ADD3: variants seen among roughly 807,000 people sequenced by gnomAD.
ADD3 encodes the protein gamma-adducin.
Under a neutral mutation model 80.2 loss-of-function variants are expected in ADD3, and 25 were observed. The observed-to-expected ratio is 0.31, with a 90% CI of 0.23 to 0.44. The LOEUF is 0.44. Among genes scored for constraint, ADD3 ranks in the 20% least tolerant of loss-of-function variants. ADD3 has a pLI of 1.00. For synonymous variants in ADD3, 284 were observed against 289.6 expected (o/e 0.98, Z 0.20); for missense variants, 829 against 847.5 (o/e 0.98, Z 0.27).
At position 110,133,322 on chromosome 10, in the gene ADD3, G is replaced by T. The variant is rs373955551; in HGVS notation, c.1829-4G>T. The stretch of plus-strand genomic sequence containing the variant: ...AACCCCCAAAAAACCCTCCCCTTTC[G>T]TAGAAAACCATGAGCTGTTTTCCAA... On this transcript the variant is annotated splice_polypyrimidine_tract_variant and splice_region_variant and intron_variant, in intron 14 of 14. Transcript: ENST00000356080. The T allele has an allele frequency of 3.2e-6, 5 of 1,566,290 alleles. No individual in the cohort carries two copies. The Middle Eastern group carries it at 6.8e-4, about 213-fold the overall frequency.
At chr10:110,079,459 AGAGTGTGT>A (rs1397598485) in intron 1 of ADD3, among the ~76,000 whole-genome samples, 2,182 of 112,054 alleles carry the variant, frequency 0.019, 14 homozygotes, top group Middle Eastern at 0.03. Flanking sequence ...AGAGAGAGAG[AGAGTGTGT>A]GTGTGTGTGT....
chr10:110,039,339 T>TA lies in ADD3; in HGVS notation c.-30+31052dup, dbSNP rs370308579. The stretch of plus-strand genomic sequence containing the variant: ...GGAGAAGAGCTTGAATTGGTGAAGT[T>TA]AAAAAAAAAAAAGTGTTCAGGGCTG... On this transcript the variant is annotated intron_variant, in intron 1 of 14. Transcript: ENST00000356080. 4.7e-3 allele frequency among the ~76,000 whole-genome samples: 681 copies of TA among 144,660 alleles called. 4 individuals are homozygous for TA. The highest frequency in any genetic ancestry group is 0.012 in the African/African-American group (484 of 39,612). The allele number at this position is 144,660 out of a possible 152,430, so 94.9% of individuals were successfully genotyped here. A position where few individuals can be genotyped will look rare whatever the true frequency, so the allele number is the denominator to read the frequency against.
At chr10:110,130,252 T>A (rs1852783168) in intron 12 of ADD3, 111 bp from the exon 13 acceptor site, 1 of 1,097,398 alleles carries the variant, frequency 9.1e-7, no homozygotes. Flanking sequence ...TGTTGTGAAA[T>A]AAGGCTTCAC....
chr10:110,000,473 G>A (rs140714652), intron 1 of ADD3, among the ~76,000 whole-genome samples: 14 of 152,302 alleles, frequency 9.2e-5, no homozygotes, highest in African/African-American at 3.1e-4. Flanking sequence ...CCATTCATTC[G>A]ACGAGTACTT....
chr10:110,082,761 A>G (rs1846221579), intron 1 of ADD3, among the ~76,000 whole-genome samples: 2 of 152,208 alleles, frequency 1.3e-5, no homozygotes, highest in South Asian at 4.1e-4. Context: ...TTATGTATGT[A>G]TTTACTTATT....
intron 1 of ADD3, among the ~76,000 whole-genome samples, chr10:110,011,652 A>G (rs915059079): frequency 6.6e-6 from 1 of 152,208 alleles, no homozygotes; most frequent in African/African-American, 2.4e-5. Context: ...AAAAAACTTT[A>G]AATATCTAAT....
intron 1 of ADD3, among the ~76,000 whole-genome samples, chr10:110,062,320 G>C (rs1168861115): frequency 6.6e-6 from 1 of 150,994 alleles, no homozygotes; most frequent in Non-Finnish European, 1.5e-5. Context: ...CTTGAACCTG[G>C]AAGGCAGAGG....
chr10:110,057,056 T>C (rs1335488731), intron 1 of ADD3, among the ~76,000 whole-genome samples: 1 of 152,164 alleles, frequency 6.6e-6, no homozygotes, highest in East Asian at 1.9e-4. Flanking sequence ...AATTATTTTC[T>C]CAAGAATTCC....
At chr10:110,054,924 G>A (rs959036013) in intron 1 of ADD3, among the ~76,000 whole-genome samples, 1 of 151,378 alleles carries the variant, frequency 6.6e-6, no homozygotes, top group Non-Finnish European at 1.5e-5. Context: ...TCCATGCCTG[G>A]CAAACTTTTT....
chr10:110,021,941 T>A (rs781502545), intron 1 of ADD3, among the ~76,000 whole-genome samples: 1 of 152,224 alleles, frequency 6.6e-6, no homozygotes, highest in Non-Finnish European at 1.5e-5. Flanking sequence ...TATGGAAGAA[T>A]AACTAAAATA....
In ADD3 at chr10:110,116,494, C is replaced by G. The variant is rs1389134089; in HGVS notation, c.486+84C>G. ...CTCTTCTTACCTTTACCTGGAAGTC[C>G]AGTTTTCAGACTTATTCTCTAAACC... On this transcript the variant is annotated intron_variant, in intron 4 of 14. Transcript: ENST00000356080. 5 of 1,390,538 alleles carry G rather than the reference C, an allele frequency of 3.6e-6. No homozygotes were observed. The South Asian group carries it at 6.5e-5, about 18-fold the overall frequency. The allele number at this position is 1,390,538 out of a possible 1,614,324, so 86.1% of individuals were successfully genotyped here.
chr10:110,031,733 G>C (rs1032598003), intron 1 of ADD3, among the ~76,000 whole-genome samples: 2 of 151,682 alleles, frequency 1.3e-5, no homozygotes, highest in South Asian at 2.1e-4. Flanking sequence ...TGTTAATGAA[G>C]AGACATGAGC....
intron 12 of ADD3, among the ~76,000 whole-genome samples, 167 bp from the exon 13 acceptor site, chr10:110,130,196 A>G (rs1852772817): frequency 6.6e-6 from 1 of 152,240 alleles, no homozygotes; most frequent in South Asian, 2.1e-4. Flanking sequence ...CATCAATCTT[A>G]CAAGAGCATT....
rs1851836751 is a variant in ADD3 at position 110,124,023 on chromosome 10, A to G, written c.1150A>G (p.Arg384Gly). The change falls in exon 10 of 15, where the codon AGA becomes GGA. Residue 384 changes from arginine to glycine, a missense_variant. Coordinates refer to ENST00000356080, the MANE Select transcript of ADD3 (RefSeq NM_016824.5). ...TGGCTTTTCCCTCCCTTAGGGGTATAGAACAGGCTATGCTTACAGGCATCC... is the reference window on the plus strand; with the variant it reads ...TGGCTTTTCCCTCCCTTAGGGGTATGGAACAGGCTATGCTTACAGGCATCC... ...LMRTLDNLGY[R>G]TGYAYRHPLI... is the part of the protein sequence containing the mutation. The G allele has an allele frequency of 6.2e-7, 1 of 1,614,096 alleles. No individual in the cohort carries two copies. The highest frequency in any genetic ancestry group is 2.2e-5 in the East Asian group (1 of 44,880).
At chr10:110,100,581 A>G in intron 1 of ADD3, 44 bp from the exon 2 acceptor site, 3 of 1,300,994 alleles carry the variant, frequency 2.3e-6, no homozygotes, top group East Asian at 2.7e-5. Flanking sequence ...TTTTGAATTT[A>G]ATGAATTTAT....
chr10:110,083,541 A>C (rs527821256), intron 1 of ADD3, among the ~76,000 whole-genome samples: 1 of 151,862 alleles, frequency 6.6e-6, no homozygotes, highest in South Asian at 2.1e-4. Context: ...ATAGAAGAAG[A>C]AGTATGGTGA....
chr10:110,132,574 T>A (rs1322563180), intron 14 of ADD3, 174 bp downstream of exon 14: 1 of 571,040 alleles, frequency 1.8e-6, no homozygotes, highest in African/African-American at 1.9e-5. Flanking sequence ...GCGCTACTTT[T>A]GTTCAGCATT....
intron 1 of ADD3, among the ~76,000 whole-genome samples, chr10:110,093,954 G>C (rs1847854381): frequency 6.6e-6 from 1 of 152,182 alleles, no homozygotes. Context: ...TGAAACTGCA[G>C]TTAAGGAGGG....
chr10:110,083,706 G>C (rs936307533), intron 1 of ADD3, among the ~76,000 whole-genome samples: 5 of 152,086 alleles, frequency 3.3e-5, no homozygotes, highest in South Asian at 2.1e-4. Flanking sequence ...TTAAAGATGG[G>C]ACTTCCTGGA....
Sources: allele counts gnomAD v4.1 joint callset (sites outside exome capture counted in the v4.1 genomes callset), GRCh38; gene constraint gnomAD v4.1.1; transcripts MANE v1.5; gene names NCBI Gene and HGNC (gene_info 2026-07-23, HGNC 2026-07-21).